The following CDH1 variants were observed in gnomAD, a reference collection of about 807,000 sequenced individuals.
CDH1 encodes the protein cadherin-1.
A neutral mutation model predicts 84.5 loss-of-function variants in CDH1; 35 were observed. The ratio of observed to expected loss-of-function variants is 0.41; its 90% confidence interval spans 0.32 to 0.55. CDH1 has a LOEUF of 0.55. CDH1 is among the 20% of genes least tolerant of loss of function. The probability of loss-of-function intolerance (pLI) is 0.19; values close to 1 mark genes in which losing one functional copy is unlikely to be tolerated. For missense variants in CDH1, 994 were observed against 1,126.6 expected (o/e 0.88, Z 1.68); for synonymous variants, 417 against 439.0 (o/e 0.95, Z 0.63).
Position 68,772,355 on chromosome 16 carries a change from A to T in CDH1, c.164-29315A>T, listed in dbSNP as rs77035035. Among the ~76,000 whole-genome samples the T allele has an allele frequency of 5.9e-5, 9 of 152,334 alleles. No individual in the cohort carries two copies. The East Asian group carries it at 1.7e-3, about 29-fold the overall frequency. ...AATTTATGGTTTGTCCCTCTCCAAC[A>T]TATGGGAGAGATAGATAAGTCTCTT... On this transcript the variant is annotated intron_variant, in intron 2 of 15. Coordinates refer to ENST00000261769, the MANE Select transcript of CDH1 (RefSeq NM_004360.5).
rs33950903 is a variant in CDH1, at chr16:68,813,540, G to C, written c.1320+45G>C. 7,065 of 1,567,874 alleles carry C rather than the reference G, an allele frequency of 4.5e-3. 250 individuals carry two copies. The African/African-American group carries it at 0.081, about 18-fold the overall frequency. The stretch of plus-strand genomic sequence containing the variant: ...AGATGCAGAAACTGGCATCCTCACA[G>C]CTGTTCATACCCTTGTCCCCTGGTA... On this transcript the variant is annotated intron_variant, in intron 9 of 15. Coordinates refer to ENST00000261769, the MANE Select transcript of CDH1 (RefSeq NM_004360.5).
chr16:68,748,721 T>G (rs1962812068), intron 2 of CDH1, among the ~76,000 whole-genome samples: 1 of 152,258 alleles, frequency 6.6e-6, no homozygotes. Flanking sequence ...AAGACTGTGA[T>G]CCATTTGCAC....
intron 2 of CDH1, among the ~76,000 whole-genome samples, chr16:68,794,786 A>G (rs1266588228): frequency 6.8e-6 from 1 of 147,766 alleles, no homozygotes; most frequent in Non-Finnish European, 1.5e-5. Flanking sequence ...TCCCAGGTTC[A>G]CACCATTCTC....
intron 3 of CDH1, among the ~76,000 whole-genome samples, chr16:68,806,295 G>A (rs1213792226): frequency 1.3e-5 from 2 of 151,972 alleles, no homozygotes. Context: ...GGGACCCCGT[G>A]TGTGCCACCA....
chr16:68,803,405 T>C (rs1215917092), intron 3 of CDH1, among the ~76,000 whole-genome samples: 1 of 152,080 alleles, frequency 6.6e-6, no homozygotes, highest in African/African-American at 2.4e-5. Context: ...AGAGACAGTT[T>C]TATTTTTTTA....
At chr16:68,788,163 C>A (rs2152123233) in intron 2 of CDH1, among the ~76,000 whole-genome samples, 1 of 152,230 alleles carries the variant, frequency 6.6e-6, no homozygotes, top group African/African-American at 2.4e-5. Flanking sequence ...CTTCTCTTCT[C>A]TGCACTTTTT....
At chr16:68,803,028 T>C (rs1369070732) in intron 3 of CDH1, among the ~76,000 whole-genome samples, 1 of 152,152 alleles carries the variant, frequency 6.6e-6, no homozygotes, top group African/African-American at 2.4e-5. Context: ...GGGGTTGTTA[T>C]TCGAAGCCAG....
intron 2 of CDH1, among the ~76,000 whole-genome samples, chr16:68,798,964 A>G (rs151126604): frequency 5.4e-4 from 82 of 152,330 alleles, no homozygotes; most frequent in African/African-American, 1.9e-3. Context: ...CACAGGAATA[A>G]TAGTCATCTC....
At chr16:68,790,711 C>T (rs1005704964) in intron 2 of CDH1, among the ~76,000 whole-genome samples, 1 of 152,166 alleles carries the variant, frequency 6.6e-6, no homozygotes, top group Non-Finnish European at 1.5e-5. Flanking sequence ...CTCCCCTCTT[C>T]TTGAAAACAA....
At chr16:68,761,076 A>C (rs1216173323) in intron 2 of CDH1, among the ~76,000 whole-genome samples, 1 of 152,080 alleles carries the variant, frequency 6.6e-6, no homozygotes, top group South Asian at 2.1e-4. Context: ...GCTGTGAGAA[A>C]ACTCCCTCGT....
chr16:68,777,534 CTTTTTT>C (rs71148949), intron 2 of CDH1, among the ~76,000 whole-genome samples: 143 of 76,984 alleles, frequency 1.9e-3, no homozygotes, highest in Middle Eastern at 0.027. Context: ...GTAATGTTTC[CTTTTTT>C]TTTTTTTTTT....
chr16:68,833,314 C>T lies in CDH1; in HGVS notation c.2464C>T (p.Pro822Ser), dbSNP rs876660086. ...GAATCTGAAAGCGGCTGATACTGAC[C>T]CCACAGCCCCGCCTTATGATTCTCT... ...DENLKAADTDPTAPPYDSLLV... is the reference protein window; with the variant it reads ...DENLKAADTDSTAPPYDSLLV... Residue 822 changes from proline to serine, a missense_variant, in exon 16 of 16, where the codon CCC (proline) becomes TCC (serine). By Grantham distance (74) the Pro-to-Ser change is moderately conservative. Transcript: ENST00000261769. 4 of 1,613,978 alleles carry T rather than the reference C, an allele frequency of 2.5e-6. No homozygotes were observed. Among genetic ancestry groups the T allele is most frequent in the Non-Finnish European group, 3.4e-6 (4 of 1,180,012 alleles).
intron 2 of CDH1, among the ~76,000 whole-genome samples, chr16:68,747,281 A>C (rs1184354843): frequency 6.6e-6 from 1 of 152,070 alleles, no homozygotes; most frequent in East Asian, 1.9e-4. Context: ...TGGAGGCAGA[A>C]GGCTGGAGCT....
chr16:68,804,314 C>T (rs553880152), intron 3 of CDH1, among the ~76,000 whole-genome samples: 5 of 151,828 alleles, frequency 3.3e-5, no homozygotes, highest in East Asian at 1.9e-4. Flanking sequence ...GGGGTTTCAC[C>T]GTGTTAGCCA....
chr16:68,794,903 A>C (rs1960317491), intron 2 of CDH1, among the ~76,000 whole-genome samples: 1 of 150,772 alleles, frequency 6.6e-6, no homozygotes, highest in South Asian at 2.1e-4. Flanking sequence ...CGTGTTAGCC[A>C]GGATGGTCTC....
In CDH1 at chr16:68,740,956, CAAAG is replaced by C. The variant is rs925699348; in HGVS notation, c.163+2549_163+2552del. On this transcript the variant is annotated intron_variant, in intron 2 of 15. Transcript: ENST00000261769. ...CCTCAATAACCTGAAAAAACAAAAA[CAAAG>C]AAAAAAGGTGTTTGGGGAATTAGTG... Among the ~76,000 whole-genome samples, 7 of 151,622 alleles carry C rather than the reference CAAAG, an allele frequency of 4.6e-5. No homozygotes were observed. The South Asian group carries it at 1.3e-3, about 27-fold the overall frequency.
At chr16:68,745,201 G>C (rs899534315) in intron 2 of CDH1, among the ~76,000 whole-genome samples, 2 of 151,602 alleles carry the variant, frequency 1.3e-5, no homozygotes, top group East Asian at 3.9e-4. Flanking sequence ...ATCCAGGCCA[G>C]ATAGATGCTG....
At chr16:68,786,727 T>C (rs931031599) in intron 2 of CDH1, among the ~76,000 whole-genome samples, 1 of 152,044 alleles carries the variant, frequency 6.6e-6, no homozygotes, top group African/African-American at 2.4e-5. Context: ...TAATGAAAAA[T>C]GATGCTAGCA....
chr16:68,823,677 G>C (rs762573158), intron 13 of CDH1, 51 bp downstream of exon 13: 1 of 1,226,430 alleles, frequency 8.2e-7, no homozygotes. Flanking sequence ...AAATGGAGGA[G>C]GTTTATTTCC....
Sources: allele counts gnomAD v4.1 joint callset (sites outside exome capture counted in the v4.1 genomes callset), GRCh38; gene constraint gnomAD v4.1.1; transcripts MANE v1.5; gene names NCBI Gene and HGNC (gene_info 2026-07-23, HGNC 2026-07-21).